The following PPP1R36 variants were observed in gnomAD, a reference collection of about 807,000 sequenced individuals.
PPP1R36 encodes the protein chromosome 14 open reading frame 50.
Under a neutral mutation model 53.4 loss-of-function variants are expected in PPP1R36, and 47 were observed. The observed-to-expected ratio is 0.88, with a 90% CI of 0.70 to 1.12. The LOEUF (loss-of-function observed/expected upper bound fraction) is 1.12, where lower values mean the gene tolerates loss of function less well. Ranked by LOEUF, PPP1R36 falls within the 50% of genes most tolerant of loss-of-function variation. The probability of loss-of-function intolerance (pLI) is 0.00; values close to 1 mark genes in which losing one functional copy is unlikely to be tolerated. For missense variants in PPP1R36, 456 were observed against 513.9 expected (o/e 0.89, Z 1.09); for synonymous variants, 153 against 170.5 (o/e 0.90, Z 0.80).
intron 3 of PPP1R36, among the ~76,000 whole-genome samples, chr14:64,554,475 T>TAAAA (rs1253311650): frequency 1.4e-4 from 21 of 152,186 alleles, no homozygotes; most frequent in African/African-American, 4.3e-4. Flanking sequence ...AACAGATAGT[T>TAAAA]CAAACCTATC....
chr14:64,587,278 C>T lies in PPP1R36; in HGVS notation c.796C>T (p.Leu266Phe), dbSNP rs886627333. 3 of 1,613,280 alleles carry T rather than the reference C, an allele frequency of 1.9e-6. No individual in the cohort carries two copies. The highest frequency in any genetic ancestry group is 1.3e-5 in the African/African-American group (1 of 74,876). Residue 266 changes from leucine (L) to phenylalanine (F), a missense_variant, in exon 10 of 12, where the codon CTC becomes TTC. By Grantham distance (22) the Leu-to-Phe change is conservative. Coordinates refer to ENST00000298705, the MANE Select transcript of PPP1R36 (RefSeq NM_172365.3). ...LTEIEEEVGR[L>F]FRTNMFNIPR... The stretch of plus-strand genomic sequence containing the variant: ...AGAGATTGAAGAAGAAGTAGGGAGA[C>T]TCTTTCGTACCAATATGTTCAACAT...
At chr14:64,575,540 G>A (rs966193372) in intron 8 of PPP1R36, among the ~76,000 whole-genome samples, 1 of 151,904 alleles carries the variant, frequency 6.6e-6, no homozygotes, top group African/African-American at 2.4e-5. Flanking sequence ...TTGTTCATTT[G>A]GACTATTTCC....
At chr14:64,566,246 T>C (rs766031046) in intron 6 of PPP1R36, among the ~76,000 whole-genome samples, 2 of 150,858 alleles carry the variant, frequency 1.3e-5, no homozygotes, top group Non-Finnish European at 3.0e-5. Context: ...CCAGCCTGGG[T>C]GACAGAGCAA....
intron 3 of PPP1R36, among the ~76,000 whole-genome samples, chr14:64,558,618 T>C (rs918012031): frequency 2.0e-5 from 3 of 150,682 alleles, no homozygotes; most frequent in African/African-American, 7.3e-5. Context: ...AGAGTACTCT[T>C]GCTTTTTTGG....
intron 11 of PPP1R36, 35 bp from the exon 12 acceptor site, chr14:64,589,117 C>T (rs959729212): frequency 6.4e-7 from 1 of 1,565,824 alleles, no homozygotes; most frequent in Non-Finnish European, 8.8e-7. Context: ...TCTTTGGCCT[C>T]ATCACTTCAG....
chr14:64,550,631 C>T (rs1342491734), intron 1 of PPP1R36, among the ~76,000 whole-genome samples: 2 of 152,172 alleles, frequency 1.3e-5, no homozygotes, highest in Non-Finnish European at 2.9e-5. Flanking sequence ...TTCCTCTTTT[C>T]CTACTTTCCT....
rs943141175 is a variant in PPP1R36 at position 64,569,827 on chromosome 14, C to T, written c.533+1380C>T. Among the ~76,000 whole-genome samples the T allele has an allele frequency of 1.3e-4, 20 of 151,834 alleles. No individual in the cohort carries two copies. In the South Asian group the frequency reaches 4.0e-3, roughly 30 times the overall value. ...AATCTCGGCTCACTGCAACGTCCAC[C>T]GCTCAGGTTCAAGTGATTTTCCCAC... On this transcript the variant is annotated intron_variant, in intron 7 of 11. Transcript: ENST00000298705.
intron 3 of PPP1R36, among the ~76,000 whole-genome samples, chr14:64,556,342 A>G (rs1463317628): frequency 6.6e-6 from 1 of 152,008 alleles, no homozygotes; most frequent in Non-Finnish European, 1.5e-5. Flanking sequence ...AGCTCAAGCA[A>G]TCTGCCTGCC....
chr14:64,588,717 C>T (rs1007335230), intron 11 of PPP1R36, among the ~76,000 whole-genome samples: 3 of 151,974 alleles, frequency 2.0e-5, no homozygotes, highest in Non-Finnish European at 4.4e-5. Context: ...TGAGCCACCA[C>T]GCCCGGCTAG....
rs1313002626 is a variant in PPP1R36, at chr14:64,589,190, C to T, written c.1121C>T (p.Pro374Leu). Reference protein sequence around the residue: ...ILGEPRCLFNPHTLHPLDPEE... With the variant: ...ILGEPRCLFNLHTLHPLDPEE... ...GGGGAGCCTCGATGTCTATTCAACC[C>T]ACATACGCTTCACCCCCTTGATCCA... is the stretch of plus-strand genomic sequence containing the variant. The change falls in exon 12 of 12, where the codon CCA becomes CTA. Residue 374 changes from proline (P) to leucine (L), a missense_variant. Coordinates refer to ENST00000298705, the MANE Select transcript of PPP1R36 (RefSeq NM_172365.3). 6.2e-7 allele frequency: 1 copy of T among 1,613,750 alleles called. No individual in the cohort carries two copies. Among genetic ancestry groups the T allele is most frequent in the Non-Finnish European group, 8.5e-7 (1 of 1,179,924 alleles).
chr14:64,568,959 AGTT>A (rs1028242044), intron 7 of PPP1R36, among the ~76,000 whole-genome samples: 6 of 152,130 alleles, frequency 3.9e-5, no homozygotes, highest in Admixed American at 1.3e-4. Flanking sequence ...GTGCAGATAT[AGTT>A]GTTGTTTGTG....
intron 3 of PPP1R36, among the ~76,000 whole-genome samples, chr14:64,558,572 C>G (rs966612732): frequency 1.3e-5 from 2 of 151,858 alleles, no homozygotes; most frequent in Non-Finnish European, 2.9e-5. Flanking sequence ...GAGTGAGACC[C>G]TGCCTCAAAA....
intron 8 of PPP1R36, among the ~76,000 whole-genome samples, chr14:64,575,623 T>C (rs79688324): frequency 0.024 from 3,719 of 152,016 alleles, 140 homozygotes; most frequent in African/African-American, 0.084. Flanking sequence ...TACTGCTAGA[T>C]TGTTCTCTAT....
chr14:64,589,171 C>A lies in PPP1R36; in HGVS notation c.1102C>A (p.Pro368Thr). The A allele has an allele frequency of 1.2e-6, 2 of 1,611,626 alleles. No homozygotes were observed. The highest frequency in any genetic ancestry group is 8.5e-7 in the Non-Finnish European group (1 of 1,179,324). Residue 368 changes from proline to threonine, a missense_variant, in exon 12 of 12, where the codon CCT (proline) becomes ACT (threonine). Coordinates refer to ENST00000298705, the MANE Select transcript of PPP1R36 (RefSeq NM_172365.3). ...TCACAGAGTTGGCATCTTGGGGGAG[C>A]CTCGATGTCTATTCAACCCACATAC... ...PMPVVGILGE[P>T]RCLFNPHTLH...
rs373820483 is a variant in PPP1R36 at position 64,550,224 on chromosome 14, A to G, written c.69+158A>G. On this transcript the variant is annotated intron_variant, in intron 1 of 11. Coordinates refer to ENST00000298705, the MANE Select transcript of PPP1R36 (RefSeq NM_172365.3). ...AAGACACCTGGCCATATTTGCCTAG[A>G]AAAAAAAAAAACTCTGGTGTATTTG... 4.5e-5 allele frequency: 42 copies of G among 928,832 alleles called. No individual in the cohort carries two copies. The East Asian group carries it at 5.1e-4, about 11-fold the overall frequency. 57.5% of individuals were successfully genotyped at this position (928,832 alleles called of 1,614,324 possible).
chr14:64,589,227 A>G lies in PPP1R36; in HGVS notation c.1158A>G (p.Thr386=). Residue 386 remains threonine (T), a synonymous_variant, in exon 12 of 12, where the codon ACA becomes ACG. Transcript: ENST00000298705. ...ACCCCCTTGATCCAGAAGAAAACAC[A>G]AAATCATTTGGGAGATATCCTTCCT... ...TLHPLDPEEN[T]KSFGRYPSLM... The G allele has an allele frequency of 1.2e-6, 2 of 1,614,090 alleles. No homozygotes were observed. The highest frequency in any genetic ancestry group is 1.7e-6 in the Non-Finnish European group (2 of 1,179,956).
chr14:64,563,162 G>A (rs1210903011), intron 3 of PPP1R36, among the ~76,000 whole-genome samples: 3 of 152,008 alleles, frequency 2.0e-5, no homozygotes, highest in Non-Finnish European at 2.9e-5. Flanking sequence ...CACCGTGCCC[G>A]GCCTCACTTT....
At chr14:64,586,997 G>A (rs2080438662) in intron 9 of PPP1R36, 118 bp downstream of exon 9, 1 of 854,484 alleles carries the variant, frequency 1.2e-6, no homozygotes, top group African/African-American at 1.7e-5. Context: ...GTGCTAACAA[G>A]CTATATGCTA....
chr14:64,554,715 C>T (rs571179997), intron 3 of PPP1R36, among the ~76,000 whole-genome samples: 18 of 151,980 alleles, frequency 1.2e-4, no homozygotes, highest in South Asian at 2.1e-4. Context: ...CCTAGCAGGG[C>T]GAGATTAGAA....
Sources: allele counts gnomAD v4.1 joint callset (sites outside exome capture counted in the v4.1 genomes callset), GRCh38; gene constraint gnomAD v4.1.1; transcripts MANE v1.5; gene names NCBI Gene and HGNC (gene_info 2026-07-23, HGNC 2026-07-21).